Variants in FYN observed in about 807,000 individuals in gnomAD.
FYN encodes the protein FYN proto-oncogene, Src family tyrosine kinase.
In FYN, 10 loss-of-function variants were observed where a neutral mutation model predicts 70.2. That is an observed-to-expected ratio of 0.14 (90% confidence interval 0.09 to 0.24). FYN has a LOEUF of 0.24. Ranked by LOEUF, FYN falls within the 10% of genes least tolerant of loss-of-function variation. The pLI, the probability that FYN is intolerant of heterozygous loss-of-function variation, is 1.00. For synonymous variants in FYN, 236 were observed against 248.6 expected (o/e 0.95, Z 0.48); for missense variants, 319 against 673.1 (o/e 0.47, Z 5.82).
intron 2 of FYN, among the ~76,000 whole-genome samples, chr6:111,845,578 C>T (rs987945721): frequency 1.3e-5 from 2 of 152,164 alleles, no homozygotes; most frequent in African/African-American, 2.4e-5. Context: ...TAGAGACAAA[C>T]GAGCTGCATT....
Position 111,819,643 on chromosome 6 carries a change from A to G in FYN, c.-82+26946T>C, listed in dbSNP as rs188652830. ...AGTTTTACAGACGCATAGACTGTAA[A>G]GGTCTTTGTGTAGTTTCTACTTTCC... On this transcript the variant is annotated intron_variant, in intron 2 of 13. Coordinates refer to ENST00000354650, the MANE Select transcript of FYN (RefSeq NM_002037.5). Among the ~76,000 whole-genome samples the G allele has an allele frequency of 6.6e-5, 10 of 152,156 alleles. No homozygotes were observed. In the East Asian group the frequency reaches 1.9e-3, roughly 29 times the overall value.
rs774125832 is a variant in FYN at position 111,703,065 on chromosome 6, A to G, written c.548-31T>C. 4 of 1,606,596 alleles carry G rather than the reference A, an allele frequency of 2.5e-6. No homozygotes were observed. In the Admixed American group the frequency reaches 6.8e-5, roughly 27 times the overall value. On this transcript the variant is annotated intron_variant, in intron 7 of 13. Coordinates refer to ENST00000354650, the MANE Select transcript of FYN (RefSeq NM_002037.5). Reference sequence around the variant, plus strand: ...AAACGTGGAAAGCATTAGCAGCTCCAATCATTTAGAGTATCAGCTTGCTTT... The same window carrying G: ...AAACGTGGAAAGCATTAGCAGCTCCGATCATTTAGAGTATCAGCTTGCTTT...
At chr6:111,825,796 G>C (rs1772817444) in intron 2 of FYN, among the ~76,000 whole-genome samples, 1 of 152,134 alleles carries the variant, frequency 6.6e-6, no homozygotes, top group Non-Finnish European at 1.5e-5. Context: ...GCTGTAACGT[G>C]TGAGGAAAGC....
In FYN at chr6:111,850,023, G is replaced by A. The variant is rs367567217; in HGVS notation, c.-122-3394C>T. Reference sequence around the variant, plus strand: ...CCATCTCTGGTGATGGCTGGAGGAAGGGTGAAGAGGGGAGGTGACAGAGAG... The same window carrying A: ...CCATCTCTGGTGATGGCTGGAGGAAAGGTGAAGAGGGGAGGTGACAGAGAG... On this transcript the variant is annotated intron_variant, in intron 1 of 13. Coordinates refer to ENST00000354650, the MANE Select transcript of FYN (RefSeq NM_002037.5). 5.6e-4 allele frequency among the ~76,000 whole-genome samples: 85 copies of A among 152,326 alleles called. 1 individual carries two copies. The highest frequency in any genetic ancestry group is 1.9e-3 in the African/African-American group (81 of 41,578).
intron 2 of FYN, among the ~76,000 whole-genome samples, chr6:111,802,009 T>G (rs538523585): frequency 6.6e-6 from 1 of 152,336 alleles, no homozygotes; most frequent in South Asian, 2.1e-4. Flanking sequence ...ACTTGGCAGA[T>G]AAGCAATATA....
intron 13 of FYN, among the ~76,000 whole-genome samples, chr6:111,666,079 G>A (rs1797994138): frequency 7.4e-6 from 1 of 135,574 alleles, no homozygotes; most frequent in Non-Finnish European, 1.5e-5. Flanking sequence ...TCGGCTCACT[G>A]CAACCTCCAC....
chr6:111,867,108 TC>T (rs1489560046), intron 1 of FYN, among the ~76,000 whole-genome samples: 1 of 152,288 alleles, frequency 6.6e-6, no homozygotes, highest in African/African-American at 2.4e-5. Context: ...CCACACATTC[TC>T]CCTGGGTGAC....
intron 2 of FYN, among the ~76,000 whole-genome samples, chr6:111,829,619 TG>T (rs1459960159): frequency 6.6e-6 from 1 of 152,114 alleles, no homozygotes; most frequent in Non-Finnish European, 1.5e-5. Flanking sequence ...ACTGGGAGAA[TG>T]GAAGTCAGAA....
At chr6:111,731,969 C>A (rs1045112096) in intron 3 of FYN, among the ~76,000 whole-genome samples, 2 of 152,156 alleles carry the variant, frequency 1.3e-5, no homozygotes, top group South Asian at 2.1e-4. Flanking sequence ...GGAGGAACAT[C>A]AGTAAGAGGA....
intron 2 of FYN, among the ~76,000 whole-genome samples, chr6:111,799,320 C>T (rs1771910364): frequency 6.6e-6 from 1 of 152,184 alleles, no homozygotes; most frequent in Admixed American, 6.5e-5. Context: ...AAACTGAACT[C>T]ACTTCCCAAA....
chr6:111,838,451 C>T (rs915872144), intron 2 of FYN, among the ~76,000 whole-genome samples: 1 of 152,196 alleles, frequency 6.6e-6, no homozygotes, highest in African/African-American at 2.4e-5. Flanking sequence ...AAACCCTGGT[C>T]CAAGTGATAA....
intron 3 of FYN, among the ~76,000 whole-genome samples, chr6:111,746,322 C>T (rs1337137860): frequency 1.3e-5 from 2 of 152,170 alleles, no homozygotes; most frequent in African/African-American, 4.8e-5. Flanking sequence ...GCACTGGGGT[C>T]CCTTTGTAGT....
intron 3 of FYN, among the ~76,000 whole-genome samples, chr6:111,770,822 C>T (rs552257194): frequency 3.2e-4 from 48 of 152,166 alleles, no homozygotes; most frequent in Non-Finnish European, 5.9e-4. Context: ...AGATCTAATC[C>T]AGAATTGGGA....
At chr6:111,777,741 A>G (rs1242379931) in intron 3 of FYN, among the ~76,000 whole-genome samples, 1 of 152,202 alleles carries the variant, frequency 6.6e-6, no homozygotes, top group East Asian at 1.9e-4. Context: ...CAAGGCACCC[A>G]CAAGTTTAGT....
intron 3 of FYN, among the ~76,000 whole-genome samples, chr6:111,732,181 T>C (rs1231531605): frequency 6.6e-6 from 1 of 152,098 alleles, no homozygotes; most frequent in Non-Finnish European, 1.5e-5. Context: ...TAACACTGGG[T>C]TTACATACCA....
At chr6:111,731,393 C>T (rs922105187) in intron 3 of FYN, among the ~76,000 whole-genome samples, 2 of 152,214 alleles carry the variant, frequency 1.3e-5, no homozygotes, top group Admixed American at 1.3e-4. Context: ...TTTCGCTGAT[C>T]ATTTATCTGG....
intron 2 of FYN, among the ~76,000 whole-genome samples, chr6:111,785,780 A>G (rs1330125442): frequency 6.6e-6 from 1 of 150,628 alleles, no homozygotes; most frequent in Non-Finnish European, 1.5e-5. Context: ...TTAACTCGTC[A>G]TTTACATAGG....
chr6:111,777,456 C>T (rs1479544814), intron 3 of FYN, among the ~76,000 whole-genome samples: 6 of 152,086 alleles, frequency 3.9e-5, no homozygotes, highest in Non-Finnish European at 7.3e-5. Flanking sequence ...ACTGAGATTT[C>T]GGGCCCGATT....
chr6:111,848,673 C>T (rs1773599038), intron 1 of FYN, among the ~76,000 whole-genome samples: 1 of 152,182 alleles, frequency 6.6e-6, no homozygotes, highest in Admixed American at 6.5e-5. Context: ...TAGAGAGCGG[C>T]TCCACTGTTT....
Sources: gnomAD v4.1 joint callset for allele counts (sites outside exome capture counted in the v4.1 genomes callset) on GRCh38, gnomAD v4.1.1 for gene constraint, MANE v1.5 for transcripts, NCBI Gene and HGNC (gene_info 2026-07-23, HGNC 2026-07-21) for gene names.